CCDC141: variants seen among roughly 807,000 people sequenced by gnomAD.
CCDC141 encodes coiled-coil domain containing 141.
A neutral mutation model predicts 181.0 loss-of-function variants in CCDC141; 168 were observed. That is an observed-to-expected ratio of 0.93 (90% CI 0.82 to 1.05). The LOEUF (loss-of-function observed/expected upper bound fraction) is 1.05, where lower values mean the gene tolerates loss of function less well. CCDC141 is among the 50% of genes least tolerant of loss of function. CCDC141 has a pLI of 0.00. For synonymous variants in CCDC141, 666 were observed against 642.3 expected (o/e 1.04, Z -0.56); for missense variants, 1,902 against 1,788.5 (o/e 1.06, Z -1.14).
intron 2 of CCDC141, among the ~76,000 whole-genome samples, chr2:179,033,640 G>T (rs2043059246): frequency 6.6e-6 from 1 of 152,122 alleles, no homozygotes; most frequent in African/African-American, 2.4e-5. Context: ...TGAACTGTCA[G>T]AGTTTTGTCC....
At chr2:178,890,901 G>C (rs1687117794) in intron 8 of CCDC141, among the ~76,000 whole-genome samples, 3 of 152,116 alleles carry the variant, frequency 2.0e-5, no homozygotes. Flanking sequence ...TTTGTTAAGT[G>C]CATTAGATGC....
chr2:178,861,367 G>A (rs1685609417), intron 17 of CCDC141, among the ~76,000 whole-genome samples: 1 of 152,040 alleles, frequency 6.6e-6, no homozygotes, highest in Non-Finnish European at 1.5e-5. Context: ...CGGGCACAGT[G>A]GCTCACGCCT....
intron 4 of CCDC141, among the ~76,000 whole-genome samples, chr2:178,973,394 T>C (rs1387676858): frequency 6.6e-6 from 1 of 152,126 alleles, no homozygotes; most frequent in Non-Finnish European, 1.5e-5. Flanking sequence ...ATAAACTATG[T>C]TTCCTGTCTT....
chr2:178,916,396 A>C (rs1215388550), intron 7 of CCDC141, among the ~76,000 whole-genome samples: 1 of 152,018 alleles, frequency 6.6e-6, no homozygotes, highest in African/African-American at 2.4e-5. Context: ...ATTTTTATAA[A>C]ATTTGGAGGT....
At chr2:179,048,775 A>T (rs2043583586) in intron 1 of CCDC141, among the ~76,000 whole-genome samples, 1 of 152,168 alleles carries the variant, frequency 6.6e-6, no homozygotes, top group South Asian at 2.1e-4. Flanking sequence ...AACACCAGAA[A>T]ATCCACCTCG....
At chr2:178,944,117 T>C (rs1347886115) in intron 6 of CCDC141, among the ~76,000 whole-genome samples, 1 of 152,206 alleles carries the variant, frequency 6.6e-6, no homozygotes, top group Non-Finnish European at 1.5e-5. Flanking sequence ...AACCTAGAAC[T>C]GAATTTCAAA....
At chr2:178,914,516 G>A (rs886139297) in intron 7 of CCDC141, among the ~76,000 whole-genome samples, 1 of 152,176 alleles carries the variant, frequency 6.6e-6, no homozygotes, top group African/African-American at 2.4e-5. Flanking sequence ...CTTCCTCTGG[G>A]TGAGAAACAT....
intron 8 of CCDC141, among the ~76,000 whole-genome samples, chr2:178,896,566 T>A (rs1339618205): frequency 6.6e-6 from 1 of 152,162 alleles, no homozygotes; most frequent in African/African-American, 2.4e-5. Flanking sequence ...GAAGCTAGAG[T>A]AAATTTTAAG....
At position 178,833,273 on chromosome 2, in the gene CCDC141, C is replaced by A. The variant is rs1287023834; in HGVS notation, c.*900G>T. The A allele has an allele frequency of 6.6e-6, 1 of 152,164 alleles. No homozygotes were observed. Among genetic ancestry groups the A allele is most frequent in the Non-Finnish European group, 1.5e-5 (1 of 68,020 alleles). 9.4% of individuals were successfully genotyped at this position (152,164 alleles called of 1,614,324 possible). A position where few individuals can be genotyped will look rare whatever the true frequency, so the allele number is the denominator to read the frequency against. ...CATTATCCTTAGCCCTCAGTGTTTT[C>A]CATTTTCCAGATGTTTAAAAGACAC... On this transcript the variant is annotated 3_prime_UTR_variant, in exon 24 of 24. Transcript: ENST00000443758.
intron 6 of CCDC141, among the ~76,000 whole-genome samples, chr2:178,931,505 T>G (rs1021739631): frequency 2.6e-5 from 4 of 152,182 alleles, no homozygotes; most frequent in African/African-American, 9.6e-5. Context: ...AAGGAAGTTT[T>G]AATACATGCT....
chr2:179,014,541 C>A (rs549270228), intron 2 of CCDC141, among the ~76,000 whole-genome samples: 7 of 151,956 alleles, frequency 4.6e-5, no homozygotes, highest in Non-Finnish European at 1.0e-4. Flanking sequence ...GGACTAATAT[C>A]CAGAATCTAC....
intron 2 of CCDC141, among the ~76,000 whole-genome samples, chr2:178,982,213 T>G (rs1691447935): frequency 6.6e-6 from 1 of 152,024 alleles, no homozygotes; most frequent in South Asian, 2.1e-4. Flanking sequence ...CTACCAAATG[T>G]TTAAAGAAGA....
chr2:179,041,406 T>A (rs1306360151), intron 2 of CCDC141, among the ~76,000 whole-genome samples: 1 of 152,058 alleles, frequency 6.6e-6, no homozygotes, highest in African/African-American at 2.4e-5. Context: ...GAGCTTTTTT[T>A]AATGTTTGTT....
rs1575122222 is a variant in CCDC141, at chr2:178,845,767, A to G, written c.3358-25T>C. 1.7e-5 allele frequency: 24 copies of G among 1,387,782 alleles called. No individual in the cohort carries two copies. In the East Asian group the frequency reaches 5.3e-4, roughly 30 times the overall value. 86.0% of individuals were successfully genotyped at this position (1,387,782 alleles called of 1,614,324 possible). ...GCTGTACAAAGCAACAGTTAGTGAG[A>G]GCATGAGCCAGGAAAGTTGGAGAAC... On this transcript the variant is annotated intron_variant, in intron 21 of 23. Transcript: ENST00000443758.
chr2:178,895,362 G>C (rs766510850), intron 8 of CCDC141, among the ~76,000 whole-genome samples: 3 of 152,084 alleles, frequency 2.0e-5, no homozygotes, highest in Non-Finnish European at 2.9e-5. Flanking sequence ...CAATCACCCA[G>C]GGCAGGGATT....
At chr2:178,828,950 T>C (rs13408466), downstream of CCDC141, among the ~76,000 whole-genome samples, 3,455 of 152,264 alleles carry the variant, frequency 0.023, 133 homozygotes, top group African/African-American at 0.079. Flanking sequence ...TGTTGTTGAA[T>C]GGGACAAAGG....
chr2:178,873,253 CT>C (rs1357082782), intron 12 of CCDC141: 1 of 151,452 alleles, frequency 6.6e-6, no homozygotes, highest in Non-Finnish European at 1.5e-5. Flanking sequence ...ATGTTGCACA[CT>C]TATATTTTTA....
At chr2:179,049,341 A>G (rs542478061) in intron 1 of CCDC141, among the ~76,000 whole-genome samples, 73 of 152,310 alleles carry the variant, frequency 4.8e-4, no homozygotes, top group Non-Finnish European at 8.2e-4. Context: ...CAAAGGGCAC[A>G]TGTCGGAGCC....
At chr2:178,987,239 T>C (rs1030250278) in intron 2 of CCDC141, among the ~76,000 whole-genome samples, 2 of 151,110 alleles carry the variant, frequency 1.3e-5, no homozygotes, top group African/African-American at 4.9e-5. Flanking sequence ...ATTTAATAAA[T>C]GGTGCTGGGA....
Sources: allele counts gnomAD v4.1 joint callset (sites outside exome capture counted in the v4.1 genomes callset), GRCh38; gene constraint gnomAD v4.1.1; transcripts MANE v1.5; gene names NCBI Gene and HGNC (gene_info 2026-07-23, HGNC 2026-07-21).